Variants in TEPSIN observed in about 807,000 individuals in gnomAD.
TEPSIN encodes AP-4 complex accessory subunit tepsin.
A neutral mutation model predicts 48.5 loss-of-function variants in TEPSIN; 50 were observed. That is an observed-to-expected ratio of 1.03 (90% CI 0.82 to 1.31). The LOEUF is 1.31. TEPSIN is among the 50% of genes most tolerant of loss of function. The probability of loss-of-function intolerance (pLI) is 0.00; values close to 1 mark genes in which losing one functional copy is unlikely to be tolerated. For synonymous variants in TEPSIN, 392 were observed against 358.8 expected, an observed-to-expected ratio of 1.09 and a Z score of -1.05; for missense variants, 838 against 815.9, an observed-to-expected ratio of 1.03 and a Z score of -0.33.
chr17:81,232,109 G>C, intron 8 of TEPSIN, 88 bp from the exon 9 acceptor site: 2 of 1,483,850 alleles, frequency 1.3e-6, no homozygotes, highest in Admixed American at 4.2e-5. Flanking sequence ...AGGAGGCCTC[G>C]GGGGCTGAGT....
intron 4 of TEPSIN, 108 bp downstream of exon 4, chr17:81,236,600 A>AG: frequency 8.7e-7 from 1 of 1,154,332 alleles, no homozygotes; most frequent in Admixed American, 2.1e-5. Flanking sequence ...GACCCGGCCC[A>AG]GGTGAGGGCT....
intron 1 of TEPSIN, 108 bp from the exon 2 acceptor site, chr17:81,237,567 G>T: frequency 8.6e-7 from 1 of 1,161,278 alleles, no homozygotes. Flanking sequence ...CTGTTGACAT[G>T]GCCGGAGAGA....
At chr17:81,231,032 C>A in intron 11 of TEPSIN, 1 of 470,930 alleles carries the variant, frequency 2.1e-6, no homozygotes, top group Non-Finnish European at 3.8e-6. Flanking sequence ...CATTCCTCCG[C>A]ACGCCCCCCG....
Position 81,234,177 on chromosome 17 carries a change from A to C in TEPSIN, c.308-129T>G. On this transcript the variant is annotated intron_variant, in intron 4 of 12. Transcript: ENST00000637944. This position sits in a 1 kb window ranked among gnomAD's most constrained non-coding sequence, Gnocchi z 5.4. Reference sequence around the variant, plus strand: ...CACCAAGGCCCTTCTGTCACAGCCAATGGGATGCCCTCCTCCAGGACCCTG... The same window carrying C: ...CACCAAGGCCCTTCTGTCACAGCCACTGGGATGCCCTCCTCCAGGACCCTG... 1 of 733,430 alleles carries C rather than the reference A, an allele frequency of 1.4e-6. No homozygotes were observed. The highest frequency in any genetic ancestry group is 2.1e-6 in the Non-Finnish European group (1 of 468,730). The allele number at this position is 733,430 out of a possible 1,614,324, so 45.4% of individuals were successfully genotyped here. A position where few individuals can be genotyped will look rare whatever the true frequency, so the allele number is the denominator to read the frequency against.
Position 81,237,432 on chromosome 17 carries a change from C to A in TEPSIN, c.76G>T (p.Asp26Tyr). Residue 26 changes from aspartate to tyrosine, a missense_variant, in exon 2 of 13, where the codon GAT becomes TAT. Asp to Tyr is a radical substitution (Grantham distance 160). Coordinates refer to ENST00000637944, the MANE Select transcript of TEPSIN (RefSeq NM_001363764.2). ...TAGCCCGGACACGGGACATCATCAT[C>A]GGACGTCCCCTTCAGGAGAATCGGG... is the stretch of plus-strand genomic sequence containing the variant. ...RLPILLKGTS[D>Y]DDVPCPGYLF... is the part of the protein sequence containing the mutation. The A allele has an allele frequency of 6.2e-7, 1 of 1,611,300 alleles. No individual in the cohort carries two copies. The highest frequency in any genetic ancestry group is 1.1e-5 in the South Asian group (1 of 90,556).
At position 81,234,509 on chromosome 17, in the gene TEPSIN, G is replaced by A. The variant is rs1297281562; in HGVS notation, c.308-461C>T. On this transcript the variant is annotated intron_variant, in intron 4 of 12. Coordinates refer to ENST00000637944, the MANE Select transcript of TEPSIN (RefSeq NM_001363764.2). The surrounding 1 kb of genome is among the most constrained non-coding windows in gnomAD (Gnocchi z 5.4). ...TGAGAGTTCCTGTCATGATGAACTGGGGCTTCTTTCCTTAAATCTTCCGGC... is the reference window on the plus strand; with the variant it reads ...TGAGAGTTCCTGTCATGATGAACTGAGGCTTCTTTCCTTAAATCTTCCGGC... Among the ~76,000 whole-genome samples the A allele has an allele frequency of 6.6e-6, 1 of 152,020 alleles. No homozygotes were observed. Among genetic ancestry groups the A allele is most frequent in the African/African-American group, 2.4e-5 (1 of 41,388 alleles).
chr17:81,233,284 T>C lies in TEPSIN; in HGVS notation c.526+148A>G, dbSNP rs918730874. 2.1e-5 allele frequency: 19 copies of C among 920,076 alleles called. No homozygotes were observed. Among genetic ancestry groups the C allele is most frequent in the Non-Finnish European group, 2.9e-5 (18 of 624,870 alleles). 57.0% of individuals were successfully genotyped at this position (920,076 alleles called of 1,614,324 possible). ...CACGTCAGCAGCCAGAGAGAGACAG[T>C]GGGGACAGCCCCAGGAAGGGTTGAG... On this transcript the variant is annotated intron_variant, in intron 7 of 12. Coordinates refer to ENST00000637944, the MANE Select transcript of TEPSIN (RefSeq NM_001363764.2). The surrounding 1 kb of genome is among the most constrained non-coding windows in gnomAD (Gnocchi z 5.8).
At chr17:81,231,735 C>A (rs1173383580) in intron 9 of TEPSIN, 44 bp from the exon 10 acceptor site, 2 of 1,608,538 alleles carry the variant, frequency 1.2e-6, no homozygotes, top group South Asian at 1.1e-5. Flanking sequence ...GGAGGCCATG[C>A]CCCCACTCCT....
chr17:81,237,171 G>T, intron 2 of TEPSIN, 100 bp from the exon 3 acceptor site: 1 of 1,317,862 alleles, frequency 7.6e-7, no homozygotes, highest in South Asian at 1.3e-5. Context: ...CTCCCTGGAG[G>T]CGCCTACTGG....
At chr17:81,237,659 G>A in intron 1 of TEPSIN, 200 bp from the exon 2 acceptor site, 1 of 626,528 alleles carries the variant, frequency 1.6e-6, no homozygotes, top group Non-Finnish European at 2.7e-6. Context: ...GGGATGAACA[G>A]CCTCGGAGAA....
At position 81,233,447 on chromosome 17, in the gene TEPSIN, C is replaced by A; in HGVS notation, c.511G>T (p.Glu171Ter). Residue 171 changes from glutamate to a stop codon, truncating the protein, a stop_gained, in exon 7 of 13, where the codon GAA becomes TAA. Coordinates refer to ENST00000637944, the MANE Select transcript of TEPSIN (RefSeq NM_001363764.2). LOFTEE classifies it high-confidence loss of function. This position sits in a 1 kb window ranked among gnomAD's most constrained non-coding sequence, Gnocchi z 5.8. The part of the protein sequence containing the change: ...STLQGFGYSK[E>*]HGRTGSAGEA... ...CCCCACTCACCCGTGCGGCCGTGTT[C>A]CTTGCTGTAGCCGAAACCCTGGAGG... 1 of 1,611,370 alleles carries A rather than the reference C, an allele frequency of 6.2e-7. No individual in the cohort carries two copies. The highest frequency in any genetic ancestry group is 1.1e-5 in the South Asian group (1 of 90,904).
chr17:81,238,906 C>G, intron 1 of TEPSIN, 80 bp downstream of exon 1: 3 of 1,382,280 alleles, frequency 2.2e-6, no homozygotes, highest in Non-Finnish European at 2.8e-6. Context: ...GTCAATGGCT[C>G]CGGCCCGGGG....
chr17:81,229,900 C>G, intron 12 of TEPSIN: 1 of 214,678 alleles, frequency 4.7e-6, no homozygotes. Context: ...GTGCGAACCC[C>G]AGGCTCACTC....
rs1379827035 is a variant in TEPSIN, at chr17:81,229,566, T to A, written c.1234-90A>T. The A allele has an allele frequency of 5.0e-6, 7 of 1,395,350 alleles. No homozygotes were observed. In the East Asian group the frequency reaches 1.8e-4, roughly 35 times the overall value. The allele number at this position is 1,395,350 out of a possible 1,614,324, so 86.4% of individuals were successfully genotyped here. A position where few individuals can be genotyped will look rare whatever the true frequency, so the allele number is the denominator to read the frequency against. On this transcript the variant is annotated intron_variant, in intron 12 of 12. Coordinates refer to ENST00000637944, the MANE Select transcript of TEPSIN (RefSeq NM_001363764.2). ...CCGCTTCTCCCTAGGACCTCCTCAGTCCCTCCACCCAGAGGGCAGGGCCAC... is the reference window on the plus strand; with the variant it reads ...CCGCTTCTCCCTAGGACCTCCTCAGACCCTCCACCCAGAGGGCAGGGCCAC...
intron 8 of TEPSIN, 40 bp downstream of exon 8, chr17:81,232,275 G>T (rs1211814162): frequency 1.4e-6 from 2 of 1,477,880 alleles, no homozygotes; most frequent in Admixed American, 4.5e-5. Context: ...ACAGGAAGGA[G>T]TGACCCAGAC....
In TEPSIN at chr17:81,231,331, ACACG is replaced by A. The variant is rs2062601593; in HGVS notation, c.1098+63_1098+66del. The A allele has an allele frequency of 3.0e-6, 4 of 1,345,780 alleles. No homozygotes were observed. In the Admixed American group the frequency reaches 6.9e-5, roughly 23 times the overall value. 83.4% of individuals were successfully genotyped at this position (1,345,780 alleles called of 1,614,324 possible). On this transcript the variant is annotated intron_variant, in intron 11 of 12. Transcript: ENST00000637944. ...CACAGGCACACGTGCACACACACGC[ACACG>A]CACACACACGCACACAGGCACATGC...
chr17:81,238,028 G>C (rs550673017), intron 1 of TEPSIN: 2 of 993,340 alleles, frequency 2.0e-6, no homozygotes, highest in Non-Finnish European at 2.4e-6. Flanking sequence ...GGTTTATAGG[G>C]ATGAAAACTG....
Position 81,234,288 on chromosome 17 carries a change from T to G in TEPSIN, c.308-240A>C. On this transcript the variant is annotated intron_variant, in intron 4 of 12. Transcript: ENST00000637944. This position sits in a 1 kb window ranked among gnomAD's most constrained non-coding sequence, Gnocchi z 5.4. ...CTCTCTCCACAGCAACCACCTCGTC[T>G]CCCCCAGGGTCGGCAACCCCTGGTG... is the stretch of plus-strand genomic sequence containing the variant. 2.6e-6 allele frequency: 1 copy of G among 387,296 alleles called. No individual in the cohort carries two copies. Among genetic ancestry groups the G allele is most frequent in the Non-Finnish European group, 4.6e-6 (1 of 218,030 alleles). 24.0% of individuals were successfully genotyped at this position (387,296 alleles called of 1,614,324 possible).
chr17:81,233,584 CAAG>C lies in TEPSIN; in HGVS notation c.454+51_454+53del. 2.5e-6 allele frequency: 4 copies of C among 1,570,926 alleles called. No homozygotes were observed. The highest frequency in any genetic ancestry group is 3.5e-6 in the Non-Finnish European group (4 of 1,156,916). On this transcript the variant is annotated intron_variant, in intron 6 of 12. Coordinates refer to ENST00000637944, the MANE Select transcript of TEPSIN (RefSeq NM_001363764.2). This position sits in a 1 kb window ranked among gnomAD's most constrained non-coding sequence, Gnocchi z 5.8. ...GGATGGCACAGACACCCAGGACACT[CAAG>C]GAGGCAGAAACCAGGTGCCAGAGCT...
Sources: allele counts gnomAD v4.1 joint callset (sites outside exome capture counted in the v4.1 genomes callset), GRCh38; gene constraint gnomAD v4.1.1; non-coding constraint Gnocchi (gnomAD v3.1); transcripts MANE v1.5; gene names NCBI Gene and HGNC (gene_info 2026-07-23, HGNC 2026-07-21).